Variants in RNF31 observed in about 807,000 individuals in gnomAD.
The protein encoded by RNF31 is E3 ubiquitin-protein ligase RNF31.
A neutral mutation model predicts 133.6 loss-of-function variants in RNF31; 38 were observed. The observed-to-expected ratio is 0.28, with a 90% CI of 0.22 to 0.37. The LOEUF (loss-of-function observed/expected upper bound fraction) is 0.37, where lower values mean the gene tolerates loss of function less well. Ranked by LOEUF, RNF31 falls within the 10% of genes least tolerant of loss-of-function variation. The pLI, the probability that RNF31 is intolerant of heterozygous loss-of-function variation, is 1.00. For synonymous variants in RNF31, 582 were observed against 552.3 expected (o/e 1.05, Z -0.75); for missense variants, 1,118 against 1,394.1 (o/e 0.80, Z 3.15).
intron 6 of RNF31, 100 bp downstream of exon 6, chr14:24,149,683 A>G (rs2038233383): frequency 8.1e-7 from 1 of 1,231,268 alleles, no homozygotes; most frequent in Admixed American, 2.2e-5. Flanking sequence ...ACTGTTTAAT[A>G]GAGGACAAGT....
At chr14:24,153,467 C>T (rs2038298556) in intron 11 of RNF31, among the ~76,000 whole-genome samples, 3 of 151,868 alleles carry the variant, frequency 2.0e-5, no homozygotes, top group Admixed American at 2.0e-4. Context: ...ATCCCAGCTA[C>T]TCGAGAGGCT....
At position 24,150,396 on chromosome 14, in the gene RNF31, C is replaced by T; in HGVS notation, c.1145C>T (p.Pro382Leu). 6.2e-7 allele frequency: 1 copy of T among 1,613,318 alleles called. No individual in the cohort carries two copies. The highest frequency in any genetic ancestry group is 8.5e-7 in the Non-Finnish European group (1 of 1,179,896). Residue 382 changes from proline to leucine, a missense_variant, in exon 7 of 21, where the codon CCC becomes CTC. Around this residue, in one of 3 missense-constraint regions of RNF31, gnomAD observed 747 missense variants for 827.9 expected, o/e 0.90. Coordinates refer to ENST00000324103, the MANE Select transcript of RNF31 (RefSeq NM_017999.5). The part of the protein sequence containing the change: ...ICERPRLAQP[P>L]SLVVDSRDAG... ...GAGCGACCTCGGCTGGCCCAGCCTC[C>T]CAGCTTGGTGGTGGATTCCCGAGAT... is the stretch of plus-strand genomic sequence containing the variant.
Position 24,154,097 on chromosome 14 carries a change from C to T in RNF31, c.2131-1060C>T, listed in dbSNP as rs534060443. On this transcript the variant is annotated intron_variant, in intron 11 of 20. Transcript: ENST00000324103. The stretch of plus-strand genomic sequence containing the variant: ...TGCAACCTCTGCCTCCCGGTTCAAG[C>T]GATTCTCCTGTCCCAGCCTCCCAAG... Among the ~76,000 whole-genome samples, 5 of 152,120 alleles carry T rather than the reference C, an allele frequency of 3.3e-5. 1 individual carries two copies. Among genetic ancestry groups the T allele is most frequent in the African/African-American group, 9.6e-5 (4 of 41,504 alleles).
upstream of RNF31, chr14:24,147,209 C>G (rs905036085): frequency 6.3e-6 from 1 of 159,750 alleles, no homozygotes; most frequent in South Asian, 1.7e-4. Flanking sequence ...CGGAGCGTAC[C>G]GGACTGGTCC....
chr14:24,158,274 G>C, intron 18 of RNF31, 75 bp downstream of exon 18: 1 of 1,432,576 alleles, frequency 7.0e-7, no homozygotes, highest in African/African-American at 1.4e-5. Context: ...TAAAGGGGAG[G>C]CTTGGGTCTG....
chr14:24,149,135 G>A (rs1053230994), intron 5 of RNF31: 2 of 592,248 alleles, frequency 3.4e-6, no homozygotes, highest in South Asian at 2.0e-5. Context: ...GGCTAATTTT[G>A]TATTTTTGGT....
At position 24,151,722 on chromosome 14, in the gene RNF31, A is replaced by T. The variant is rs1209463640; in HGVS notation, c.1923+52A>T. 8 of 1,602,230 alleles carry T rather than the reference A, an allele frequency of 5.0e-6. No individual in the cohort carries two copies. Among genetic ancestry groups the T allele is most frequent in the Non-Finnish European group, 6.8e-6 (8 of 1,174,754 alleles). ...GGGTCCACCTAGAGGAGCAAGAGGGAGCTGAGGGGAAGGGTCCCTGGAGTC... is the reference window on the plus strand; with the variant it reads ...GGGTCCACCTAGAGGAGCAAGAGGGTGCTGAGGGGAAGGGTCCCTGGAGTC... On this transcript the variant is annotated intron_variant, in intron 10 of 20. Coordinates refer to ENST00000324103, the MANE Select transcript of RNF31 (RefSeq NM_017999.5). The surrounding 1 kb of genome is among the most constrained non-coding windows in gnomAD (Gnocchi z 5.3).
chr14:24,156,166 G>A (rs753789878), intron 14 of RNF31, among the ~76,000 whole-genome samples: 36 of 152,182 alleles, frequency 2.4e-4, no homozygotes, highest in Non-Finnish European at 5.1e-4. Flanking sequence ...AGCCTGGAAA[G>A]CAAGGCGGGA....
rs28373297 is a variant in RNF31 at position 24,149,041 on chromosome 14, G to A, written c.631+165G>A. 4,484 of 690,694 alleles carry A rather than the reference G, an allele frequency of 6.5e-3. 52 individuals carry two copies. The highest frequency in any genetic ancestry group is 0.034 in the African/African-American group (1,922 of 56,576). 42.8% of individuals were successfully genotyped at this position (690,694 alleles called of 1,614,324 possible). ...TGCAATGGTGCGATCTCCGCTCACC[G>A]CAACCTCCACCTCCCGGGTTCAAGC... On this transcript the variant is annotated intron_variant, in intron 5 of 20. Coordinates refer to ENST00000324103, the MANE Select transcript of RNF31 (RefSeq NM_017999.5).
At chr14:24,157,858 C>T (rs770425541) in intron 16 of RNF31, 40 bp from the exon 17 acceptor site, 6 of 1,557,588 alleles carry the variant, frequency 3.9e-6, no homozygotes, top group Admixed American at 1.7e-5. Flanking sequence ...AGGACCCCAA[C>T]AGTCTCCAAC....
chr14:24,151,026 C>G lies in RNF31; in HGVS notation c.1489-105C>G, dbSNP rs559540359. ...CTGAGGCAGTTACCATTGCTGTACA[C>G]TGATGACATGATCCATATGTCTGAG... On this transcript the variant is annotated intron_variant, in intron 8 of 20. Transcript: ENST00000324103. The surrounding 1 kb of genome is among the most constrained non-coding windows in gnomAD (Gnocchi z 5.3). 362 of 1,548,460 alleles carry G rather than the reference C, an allele frequency of 2.3e-4. 1 individual carries two copies. In the African/African-American group the frequency reaches 4.5e-3, roughly 19 times the overall value.
At position 24,155,083 on chromosome 14, in the gene RNF31, C is replaced by T. The variant is rs1287437703; in HGVS notation, c.2131-74C>T. On this transcript the variant is annotated intron_variant, in intron 11 of 20. Coordinates refer to ENST00000324103, the MANE Select transcript of RNF31 (RefSeq NM_017999.5). This position sits in a 1 kb window ranked among gnomAD's most constrained non-coding sequence, Gnocchi z 4.9. Reference sequence around the variant, plus strand: ...TTAGACCCTGATTTCTTAGTGGACACCTGGCCACTGCCTCTTCCCTAGCCT... The same window carrying T: ...TTAGACCCTGATTTCTTAGTGGACATCTGGCCACTGCCTCTTCCCTAGCCT... 2 of 1,452,078 alleles carry T rather than the reference C, an allele frequency of 1.4e-6. No individual in the cohort carries two copies. The highest frequency in any genetic ancestry group is 2.8e-5 in the African/African-American group (2 of 71,612). The allele number at this position is 1,452,078 out of a possible 1,614,324, so 89.9% of individuals were successfully genotyped here.
At position 24,155,075 on chromosome 14, in the gene RNF31, A is replaced by G. The variant is rs2038321621; in HGVS notation, c.2131-82A>G. 2.2e-6 allele frequency: 3 copies of G among 1,374,508 alleles called. No individual in the cohort carries two copies. The highest frequency in any genetic ancestry group is 2.4e-5 in the East Asian group (1 of 42,422). The allele number at this position is 1,374,508 out of a possible 1,614,324, so 85.1% of individuals were successfully genotyped here. A position where few individuals can be genotyped will look rare whatever the true frequency, so the allele number is the denominator to read the frequency against. Reference sequence around the variant, plus strand: ...GTTGTTAATTAGACCCTGATTTCTTAGTGGACACCTGGCCACTGCCTCTTC... The same window carrying G: ...GTTGTTAATTAGACCCTGATTTCTTGGTGGACACCTGGCCACTGCCTCTTC... On this transcript the variant is annotated intron_variant, in intron 11 of 20. Coordinates refer to ENST00000324103, the MANE Select transcript of RNF31 (RefSeq NM_017999.5). This position sits in a 1 kb window ranked among gnomAD's most constrained non-coding sequence, Gnocchi z 4.9.
intron 11 of RNF31, among the ~76,000 whole-genome samples, chr14:24,152,954 G>A (rs751712861): frequency 5.3e-5 from 8 of 151,826 alleles, no homozygotes; most frequent in African/African-American, 9.7e-5. Context: ...GGTGGCAGGC[G>A]CCTGTAGTCC....
At chr14:24,154,397 C>T (rs2038312338) in intron 11 of RNF31, among the ~76,000 whole-genome samples, 1 of 152,172 alleles carries the variant, frequency 6.6e-6, no homozygotes, top group African/African-American at 2.4e-5. Context: ...CTGCCTCAGC[C>T]TCCCAAAGTG....
chr14:24,156,044 GT>G (rs2139088680), intron 14 of RNF31, among the ~76,000 whole-genome samples: 1 of 152,298 alleles, frequency 6.6e-6, no homozygotes, highest in East Asian at 1.9e-4. Context: ...CTCTAAAATG[GT>G]TTAAGCTCAG....
Position 24,147,604 on chromosome 14 carries a change from G to A in RNF31, c.-95G>A, listed in dbSNP as rs2038187731. On this transcript the variant is annotated 5_prime_UTR_variant, in exon 1 of 21. Coordinates refer to ENST00000324103, the MANE Select transcript of RNF31 (RefSeq NM_017999.5). ...TGCGTGGGCCGGGGTGGGCCTCAAA[G>A]CCGGGCACCAGACGGGAGGGGCGGC... is the stretch of plus-strand genomic sequence containing the variant. 5 of 1,194,760 alleles carry A rather than the reference G, an allele frequency of 4.2e-6. No individual in the cohort carries two copies. In the South Asian group the frequency reaches 5.9e-5, roughly 14 times the overall value. The allele number at this position is 1,194,760 out of a possible 1,614,324, so 74.0% of individuals were successfully genotyped here.
At position 24,151,411 on chromosome 14, in the gene RNF31, G is replaced by A. The variant is rs376397895; in HGVS notation, c.1737+32G>A. ...GCTGTGCTGGATATGGGATAGGGTC[G>A]AGAGTCTGCATCTCTCACACTCTCC... On this transcript the variant is annotated intron_variant, in intron 9 of 20. Transcript: ENST00000324103. The surrounding 1 kb of genome is among the most constrained non-coding windows in gnomAD (Gnocchi z 5.3). 3.6e-5 allele frequency: 58 copies of A among 1,613,408 alleles called. No individual in the cohort carries two copies. The highest frequency in any genetic ancestry group is 5.3e-5 in the African/African-American group (4 of 74,892).
chr14:24,156,109 A>G (rs1391475451), intron 14 of RNF31, among the ~76,000 whole-genome samples: 1 of 152,136 alleles, frequency 6.6e-6, no homozygotes. Flanking sequence ...GAGAGAAAGA[A>G]CAACACATGG....
Sources: gnomAD v4.1 joint callset for allele counts (sites outside exome capture counted in the v4.1 genomes callset) on GRCh38, gnomAD v4.1.1 for gene constraint, gnomAD v4.1.1 regional missense constraint, Gnocchi (gnomAD v3.1) non-coding constraint, MANE v1.5 for transcripts, NCBI Gene and HGNC (gene_info 2026-07-23, HGNC 2026-07-21) for gene names.